Variants in SMYD3 observed in about 807,000 individuals in gnomAD.
SMYD3 encodes the protein SET and MYND domain containing 3.
SMYD3 carries 36 observed loss-of-function variants against 57.7 expected under a neutral mutation model. That is an observed-to-expected ratio of 0.62 (90% CI 0.48 to 0.82). The LOEUF (loss-of-function observed/expected upper bound fraction) is 0.82. SMYD3 is among the 40% of genes least tolerant of loss of function. The pLI, the probability that SMYD3 is intolerant of heterozygous loss-of-function variation, is 0.00. For synonymous variants in SMYD3, 211 were observed against 195.0 expected (o/e 1.08, Z -0.68); for missense variants, 515 against 538.8 (o/e 0.96, Z 0.44).
chr1:246,497,878 A>T (rs1365940416), intron 1 of SMYD3, among the ~76,000 whole-genome samples: 2 of 152,126 alleles, frequency 1.3e-5, no homozygotes, highest in African/African-American at 4.8e-5. Flanking sequence ...AGAGGAAAAA[A>T]AAAAAGAAAA....
At chr1:246,186,524 A>C (rs2062642913) in intron 5 of SMYD3, among the ~76,000 whole-genome samples, 1 of 152,158 alleles carries the variant, frequency 6.6e-6, no homozygotes, top group African/African-American at 2.4e-5. Flanking sequence ...TACCATGCAC[A>C]AGTACTCTGA....
intron 8 of SMYD3, among the ~76,000 whole-genome samples, chr1:245,883,406 C>T (rs4654147): frequency 1 from 152,006 of 152,340 alleles, 75,838 homozygotes; most frequent in Middle Eastern, 1. Context: ...CACAACATCC[C>T]GTAATTATTT....
At chr1:246,471,764 A>G (rs1331864174) in intron 1 of SMYD3, among the ~76,000 whole-genome samples, 13 of 152,204 alleles carry the variant, frequency 8.5e-5, no homozygotes, top group African/African-American at 3.1e-4. Flanking sequence ...CTATAAATAG[A>G]TCATTACATT....
intron 5 of SMYD3, among the ~76,000 whole-genome samples, chr1:246,174,269 G>A (rs897706009): frequency 5.3e-5 from 8 of 152,262 alleles, no homozygotes; most frequent in South Asian, 2.1e-4. Flanking sequence ...TGGCAGTACC[G>A]TAGGGTTTTT....
chr1:246,402,206 C>CTCCT (rs1486487034), intron 1 of SMYD3, among the ~76,000 whole-genome samples: 2 of 151,810 alleles, frequency 1.3e-5, no homozygotes, highest in Non-Finnish European at 2.9e-5. Context: ...TAGCATATCA[C>CTCCT]ACATTTCAGC....
chr1:245,884,245 T>C (rs1395150213), intron 8 of SMYD3, among the ~76,000 whole-genome samples: 1 of 152,204 alleles, frequency 6.6e-6, no homozygotes, highest in African/African-American at 2.4e-5. Context: ...CTGACCATGA[T>C]GCAGCATGGT....
intron 10 of SMYD3, among the ~76,000 whole-genome samples, chr1:245,808,251 T>C (rs1398167948): frequency 6.6e-6 from 1 of 152,164 alleles, no homozygotes; most frequent in Non-Finnish European, 1.5e-5. Flanking sequence ...GCATACTTGT[T>C]TCTTTGTCTC....
At chr1:246,142,005 G>A (rs2148118129) in intron 5 of SMYD3, among the ~76,000 whole-genome samples, 1 of 152,308 alleles carries the variant, frequency 6.6e-6, no homozygotes, top group South Asian at 2.1e-4. Context: ...TCAGAAGATA[G>A]CAGTCACTAA....
chr1:245,849,010 CT>C (rs2050814449), intron 10 of SMYD3, among the ~76,000 whole-genome samples: 1 of 152,292 alleles, frequency 6.6e-6, no homozygotes, highest in East Asian at 1.9e-4. Context: ...TTCAGGAAGC[CT>C]TTTAGGACCA....
At chr1:246,370,285 C>A (rs1054593917) in intron 1 of SMYD3, among the ~76,000 whole-genome samples, 6 of 152,198 alleles carry the variant, frequency 3.9e-5, no homozygotes, top group Non-Finnish European at 8.8e-5. Context: ...CAGACCAACA[C>A]ACATCACTTG....
chr1:245,951,667 T>G (rs913713684), intron 5 of SMYD3, among the ~76,000 whole-genome samples: 5 of 151,644 alleles, frequency 3.3e-5, no homozygotes, highest in African/African-American at 1.2e-4. Flanking sequence ...TCTCCACTTT[T>G]CCCCTGTGTT....
At chr1:245,756,440 C>T (rs568756879) in intron 11 of SMYD3, among the ~76,000 whole-genome samples, 5 of 152,172 alleles carry the variant, frequency 3.3e-5, no homozygotes, top group African/African-American at 1.2e-4. Flanking sequence ...CACACTTTTG[C>T]TGACCATATT....
At chr1:245,777,219 C>T (rs2046640564) in intron 10 of SMYD3, among the ~76,000 whole-genome samples, 1 of 151,990 alleles carries the variant, frequency 6.6e-6, no homozygotes, top group Non-Finnish European at 1.5e-5. Flanking sequence ...AGGCACTGTC[C>T]TAAGGACTTT....
intron 5 of SMYD3, among the ~76,000 whole-genome samples, chr1:246,167,512 CTTTTTTTTTT>C (rs199801290): frequency 1.5e-5 from 2 of 137,822 alleles, no homozygotes; most frequent in African/African-American, 2.7e-5. Flanking sequence ...GTTTTTTTTT[CTTTTTTTTTT>C]TTTTTGAAGA....
chr1:245,833,623 A>G (rs1201292868), intron 10 of SMYD3, among the ~76,000 whole-genome samples: 3 of 152,230 alleles, frequency 2.0e-5, no homozygotes, highest in Non-Finnish European at 2.9e-5. Flanking sequence ...GTGTTTGCCA[A>G]GTTTTTCCAC....
intron 5 of SMYD3, among the ~76,000 whole-genome samples, chr1:246,078,268 C>T (rs2060579994): frequency 6.6e-6 from 1 of 152,082 alleles, no homozygotes; most frequent in African/African-American, 2.4e-5. Flanking sequence ...AGCTCCTACA[C>T]TAGGCCCCGA....
rs548246586 is a variant in SMYD3 at position 245,760,020 on chromosome 1, G to A, written c.1185+4021C>T. Among the ~76,000 whole-genome samples, 18 of 152,292 alleles carry A rather than the reference G, an allele frequency of 1.2e-4. 1 individual carries two copies. The South Asian group carries it at 3.5e-3, about 30-fold the overall frequency. On this transcript the variant is annotated intron_variant, in intron 11 of 11. Coordinates refer to ENST00000490107, the MANE Select transcript of SMYD3 (RefSeq NM_001167740.2). ...AGAAATAAAAGTAGATTAGTGACAG[G>A]AGAGGGCAGGAGGGAAGCACTGGGA...
chr1:246,461,683 A>C (rs2067799863), intron 1 of SMYD3, among the ~76,000 whole-genome samples: 1 of 151,096 alleles, frequency 6.6e-6, no homozygotes, highest in South Asian at 2.1e-4. Flanking sequence ...GCAGTGAGCC[A>C]AGATTGCGCC....
intron 3 of SMYD3, among the ~76,000 whole-genome samples, chr1:246,331,378 A>G (rs2065459469): frequency 6.6e-6 from 1 of 152,232 alleles, no homozygotes; most frequent in Non-Finnish European, 1.5e-5. Flanking sequence ...AGGAAAGTAG[A>G]AAATGACATG....
Sources: allele counts gnomAD v4.1 joint callset (sites outside exome capture counted in the v4.1 genomes callset), GRCh38; gene constraint gnomAD v4.1.1; transcripts MANE v1.5; gene names NCBI Gene and HGNC (gene_info 2026-07-23, HGNC 2026-07-21).